Variants in KCNK2 observed in about 807,000 individuals in gnomAD.
KCNK2 encodes the protein potassium channel subfamily K member 2.
In KCNK2, 21 loss-of-function variants were observed where a neutral mutation model predicts 40.5. That is an observed-to-expected ratio of 0.52 (90% CI 0.37 to 0.75). The LOEUF (loss-of-function observed/expected upper bound fraction) is 0.75, where lower values mean the gene tolerates loss of function less well. KCNK2 is among the 30% of genes least tolerant of loss of function. The pLI is 0.00. For missense variants in KCNK2, 399 were observed against 531.6 expected (o/e 0.75, Z 2.45); for synonymous variants, 191 against 202.2 (o/e 0.94, Z 0.47).
At chr1:215,221,617 T>C (rs1053359884) in intron 6 of KCNK2, among the ~76,000 whole-genome samples, 1 of 152,082 alleles carries the variant, frequency 6.6e-6, no homozygotes, top group Non-Finnish European at 1.5e-5. Context: ...CTTATTTTCT[T>C]CATGTTAAGT....
At chr1:215,054,653 G>T (rs1289205693) in intron 1 of KCNK2, among the ~76,000 whole-genome samples, 1 of 152,142 alleles carries the variant, frequency 6.6e-6, no homozygotes, top group African/African-American at 2.4e-5. Flanking sequence ...GGTAGCCAGG[G>T]TGTATTTTTC....
At chr1:215,121,209 A>G (rs1661176237) in intron 2 of KCNK2, among the ~76,000 whole-genome samples, 1 of 152,382 alleles carries the variant, frequency 6.6e-6, no homozygotes, top group Non-Finnish European at 1.5e-5. Context: ...AAACAAAAAT[A>G]ACAAGTTCAG....
chr1:215,232,838 A>T (rs1329060694), intron 6 of KCNK2, among the ~76,000 whole-genome samples: 1 of 152,214 alleles, frequency 6.6e-6, no homozygotes, highest in Non-Finnish European at 1.5e-5. Flanking sequence ...CTGATGGAAT[A>T]GATTTCATTT....
At chr1:215,006,491 C>T (rs2102466095) in intron 1 of KCNK2, among the ~76,000 whole-genome samples, 1 of 152,200 alleles carries the variant, frequency 6.6e-6, no homozygotes, top group Non-Finnish European at 1.5e-5. Context: ...AGAACTAAGA[C>T]CTAAGTTCTT....
chr1:215,210,348 C>A (rs1421632526), intron 6 of KCNK2, among the ~76,000 whole-genome samples: 3 of 151,528 alleles, frequency 2.0e-5, no homozygotes, highest in African/African-American at 7.3e-5. Flanking sequence ...GGCAAGGCAA[C>A]AAGGTCATAT....
intron 1 of KCNK2, among the ~76,000 whole-genome samples, chr1:215,015,560 G>T (rs1656557376): frequency 6.6e-6 from 1 of 152,088 alleles, no homozygotes; most frequent in Non-Finnish European, 1.5e-5. Context: ...CCCATGGTTA[G>T]CAGGTGGACA....
At chr1:215,153,960 T>C (rs912136135) in intron 3 of KCNK2, among the ~76,000 whole-genome samples, 1 of 152,226 alleles carries the variant, frequency 6.6e-6, no homozygotes, top group Non-Finnish European at 1.5e-5. Context: ...TTCTATGGTA[T>C]GTATGTACCA....
intron 2 of KCNK2, among the ~76,000 whole-genome samples, chr1:215,102,104 T>G (rs1660247737): frequency 6.6e-6 from 1 of 151,978 alleles, no homozygotes; most frequent in Non-Finnish European, 1.5e-5. Flanking sequence ...TCCCTTATAT[T>G]AATATATAAA....
chr1:215,047,114 CCT>C (rs1398464418), intron 1 of KCNK2, among the ~76,000 whole-genome samples: 1 of 151,904 alleles, frequency 6.6e-6, no homozygotes, highest in African/African-American at 2.4e-5. Context: ...GAAATTATTG[CCT>C]GATTTTAACT....
chr1:215,173,548 G>A (rs1663817162), intron 5 of KCNK2, among the ~76,000 whole-genome samples: 1 of 152,188 alleles, frequency 6.6e-6, no homozygotes. Flanking sequence ...TTGCCACACT[G>A]ACTTCCACAA....
chr1:215,114,826 T>G (rs1471173655), intron 2 of KCNK2, among the ~76,000 whole-genome samples: 1 of 152,102 alleles, frequency 6.6e-6, no homozygotes, highest in African/African-American at 2.4e-5. Context: ...TGGCAATGAG[T>G]CAACTCACTC....
chr1:215,079,847 T>G (rs1270086339), upstream of KCNK2, among the ~76,000 whole-genome samples: 1 of 152,202 alleles, frequency 6.6e-6, no homozygotes, highest in Non-Finnish European at 1.5e-5. Context: ...GGGGGCAGAC[T>G]GTGGGAGGAC....
At chr1:215,228,380 T>A (rs1359841898) in intron 6 of KCNK2, among the ~76,000 whole-genome samples, 1 of 152,152 alleles carries the variant, frequency 6.6e-6, no homozygotes, top group Non-Finnish European at 1.5e-5. Context: ...GAGAACTTAG[T>A]GAGGTGGATG....
chr1:215,073,089 A>T (rs1377184), intron 1 of KCNK2, among the ~76,000 whole-genome samples: 95,054 of 151,972 alleles, frequency 0.63, 32,747 homozygotes, highest in East Asian at 0.89. Flanking sequence ...ATGTGAAGAC[A>T]CACAGAGAGA....
At chr1:215,123,522 A>G (rs1661286816) in intron 2 of KCNK2, among the ~76,000 whole-genome samples, 1 of 152,166 alleles carries the variant, frequency 6.6e-6, no homozygotes, top group South Asian at 2.1e-4. Flanking sequence ...GACATATTTC[A>G]TAATGGTCAG....
chr1:215,174,308 C>T (rs1337612143), intron 5 of KCNK2, among the ~76,000 whole-genome samples: 1 of 152,096 alleles, frequency 6.6e-6, no homozygotes, highest in Non-Finnish European at 1.5e-5. Flanking sequence ...TCTGAGGGCT[C>T]TGTTCTGTTT....
intron 1 of KCNK2, among the ~76,000 whole-genome samples, chr1:215,019,864 G>T (rs1196209269): frequency 6.6e-6 from 1 of 151,862 alleles, no homozygotes; most frequent in East Asian, 1.9e-4. Flanking sequence ...CAATATTATT[G>T]TTCTGTTTTT....
intron 2 of KCNK2, among the ~76,000 whole-genome samples, chr1:215,101,842 T>G (rs1660233739): frequency 6.6e-6 from 1 of 151,994 alleles, no homozygotes; most frequent in Admixed American, 6.6e-5. Context: ...CCAACTGTAC[T>G]GCTAGTCATA....
chr1:215,127,123 A>G (rs1661472720), intron 3 of KCNK2, among the ~76,000 whole-genome samples: 1 of 152,144 alleles, frequency 6.6e-6, no homozygotes, highest in Admixed American at 6.6e-5. Flanking sequence ...ATTGCATAAG[A>G]CATTTTAAAA....
Sources: allele counts gnomAD v4.1 joint callset (sites outside exome capture counted in the v4.1 genomes callset), GRCh38; gene constraint gnomAD v4.1.1; transcripts MANE v1.5; gene names NCBI Gene and HGNC (gene_info 2026-07-23, HGNC 2026-07-21).